GALNT7: variants seen among roughly 807,000 people sequenced by gnomAD.
GALNT7 encodes N-acetylgalactosaminyltransferase 7.
A neutral mutation model predicts 82.1 loss-of-function variants in GALNT7; 60 were observed. The ratio of observed to expected loss-of-function variants is 0.73; its 90% CI spans 0.59 to 0.91. The LOEUF is 0.91. Ranked by LOEUF, GALNT7 falls within the 40% of genes least tolerant of loss-of-function variation. The probability of loss-of-function intolerance (pLI) is 0.00; values close to 1 mark genes in which losing one functional copy is unlikely to be tolerated. For missense variants in GALNT7, 660 were observed against 804.2 expected (o/e 0.82, Z 2.17); for synonymous variants, 243 against 275.1 (o/e 0.88, Z 1.15).
At chr4:173,184,356 G>A (rs1307163528) in intron 1 of GALNT7, among the ~76,000 whole-genome samples, 3 of 152,176 alleles carry the variant, frequency 2.0e-5, no homozygotes, top group South Asian at 2.1e-4. Flanking sequence ...CTGCACCTAG[G>A]GAGGCTGAGG....
intron 1 of GALNT7, among the ~76,000 whole-genome samples, chr4:173,184,781 T>C (rs1407720968): frequency 6.6e-6 from 1 of 152,166 alleles, no homozygotes; most frequent in Admixed American, 6.5e-5. Flanking sequence ...TTTCGGTACT[T>C]TGAAATATTA....
intron 1 of GALNT7, among the ~76,000 whole-genome samples, chr4:173,228,502 A>G (rs1733913462): frequency 6.6e-6 from 1 of 152,016 alleles, no homozygotes; most frequent in Non-Finnish European, 1.5e-5. Context: ...TGTTCTCATT[A>G]AGGGCATTTT....
At chr4:173,281,735 A>G (rs1736116986) in intron 2 of GALNT7, among the ~76,000 whole-genome samples, 1 of 152,178 alleles carries the variant, frequency 6.6e-6, no homozygotes, top group Non-Finnish European at 1.5e-5. Context: ...CCGTTCCTTC[A>G]TCTGCTTTTG....
intron 1 of GALNT7, among the ~76,000 whole-genome samples, chr4:173,237,762 A>T: frequency 6.8e-6 from 1 of 147,954 alleles, no homozygotes; most frequent in Admixed American, 6.8e-5. Context: ...CCTGGATTAA[A>T]AAAAAAAAAA....
chr4:173,201,179 G>A (rs1732935876), intron 1 of GALNT7, among the ~76,000 whole-genome samples: 1 of 151,938 alleles, frequency 6.6e-6, no homozygotes, highest in Non-Finnish European at 1.5e-5. Context: ...AATGAATTTT[G>A]TATTTATCTT....
intron 1 of GALNT7, among the ~76,000 whole-genome samples, chr4:173,211,580 A>C (rs1002171222): frequency 6.6e-6 from 1 of 152,234 alleles, no homozygotes; most frequent in African/African-American, 2.4e-5. Context: ...AAGAGTCAGC[A>C]ACAAAAGGGA....
chr4:173,171,195 C>G (rs1333594902), intron 1 of GALNT7, among the ~76,000 whole-genome samples: 1 of 152,108 alleles, frequency 6.6e-6, no homozygotes, highest in African/African-American at 2.4e-5. Flanking sequence ...GGGATTATTG[C>G]CTTCCTTTAA....
chr4:173,267,207 TTATCA>T (rs1735535022), intron 2 of GALNT7, among the ~76,000 whole-genome samples: 2 of 152,198 alleles, frequency 1.3e-5, no homozygotes, highest in Non-Finnish European at 2.9e-5. Context: ...ATAGGTACTA[TTATCA>T]TATATTAATT....
intron 2 of GALNT7, among the ~76,000 whole-genome samples, chr4:173,265,217 A>T (rs1579969344): frequency 6.6e-6 from 1 of 152,106 alleles, no homozygotes; most frequent in South Asian, 2.1e-4. Context: ...CCATGCTAGC[A>T]TTTCCAGGAT....
intron 11 of GALNT7, among the ~76,000 whole-genome samples, chr4:173,319,248 CA>C (rs917504315): frequency 1.6e-4 from 24 of 151,880 alleles, no homozygotes; most frequent in African/African-American, 4.6e-4. Context: ...TATTATTAAA[CA>C]AAAAGTGGGG....
chr4:173,282,194 C>T (rs1736136995), intron 2 of GALNT7, among the ~76,000 whole-genome samples: 1 of 152,156 alleles, frequency 6.6e-6, no homozygotes, highest in Non-Finnish European at 1.5e-5. Context: ...TGTCTCTAGG[C>T]AAGCACAAAG....
At chr4:173,221,991 G>A (rs935137400) in intron 1 of GALNT7, among the ~76,000 whole-genome samples, 12 of 152,150 alleles carry the variant, frequency 7.9e-5, no homozygotes, top group South Asian at 2.1e-4. Context: ...ATACAAGCCC[G>A]AATTCGATTC....
chr4:173,298,347 C>T, intron 6 of GALNT7, 50 bp downstream of exon 6: 1 of 1,213,434 alleles, frequency 8.2e-7, no homozygotes, highest in Non-Finnish European at 1.2e-6. Flanking sequence ...TTGCTGCTAA[C>T]CTATTAACCT....
At chr4:173,183,281 C>CTT (rs760189702) in intron 1 of GALNT7, among the ~76,000 whole-genome samples, 5 of 142,252 alleles carry the variant, frequency 3.5e-5, no homozygotes, top group South Asian at 2.2e-4. Flanking sequence ...ACACGCTGCA[C>CTT]TTTTTTTTTT....
At chr4:173,184,881 G>A (rs1228377852) in intron 1 of GALNT7, among the ~76,000 whole-genome samples, 2 of 152,104 alleles carry the variant, frequency 1.3e-5, no homozygotes, top group African/African-American at 2.4e-5. Context: ...TGGGCCACTT[G>A]CCACAGTTTT....
At chr4:173,215,142 A>C (rs1296747287) in intron 1 of GALNT7, among the ~76,000 whole-genome samples, 1 of 152,152 alleles carries the variant, frequency 6.6e-6, no homozygotes, top group Non-Finnish European at 1.5e-5. Flanking sequence ...TGGTGGATAC[A>C]CAAAGAAAGT....
At chr4:173,291,787 A>G (rs1160874641) in intron 2 of GALNT7, among the ~76,000 whole-genome samples, 1 of 149,818 alleles carries the variant, frequency 6.7e-6, no homozygotes, top group African/African-American at 2.5e-5. Context: ...ACTAAGGTCC[A>G]GGTCATGAAA....
At chr4:173,297,948 C>A (rs1736780046) in intron 5 of GALNT7, 167 bp from the exon 6 acceptor site, 10 of 1,477,270 alleles carry the variant, frequency 6.8e-6, no homozygotes, top group Non-Finnish European at 8.9e-6. Flanking sequence ...AGGAAAAGGC[C>A]AAAAGAAAAC....
intron 1 of GALNT7, among the ~76,000 whole-genome samples, chr4:173,245,568 T>A (rs1031216459): frequency 6.6e-6 from 1 of 152,182 alleles, no homozygotes; most frequent in Non-Finnish European, 1.5e-5. Context: ...AAGGAAAAAC[T>A]GAAGTGGAGG....
Sources: gnomAD v4.1 joint callset for allele counts (sites outside exome capture counted in the v4.1 genomes callset) on GRCh38, gnomAD v4.1.1 for gene constraint, MANE v1.5 for transcripts, NCBI Gene and HGNC (gene_info 2026-07-23, HGNC 2026-07-21) for gene names.